ATRN: variants seen among roughly 807,000 people sequenced by gnomAD.
The protein encoded by ATRN is attractin, also known as attractin-2.
ATRN carries 54 observed loss-of-function variants against 178.7 expected under a neutral mutation model. The observed-to-expected ratio is 0.30, with a 90% CI of 0.24 to 0.38. The LOEUF is 0.38. Ranked by LOEUF, ATRN falls within the 10% of genes least tolerant of loss-of-function variation. The pLI is 1.00. For synonymous variants in ATRN, 636 were observed against 663.0 expected, an observed-to-expected ratio of 0.96 and a Z score of 0.63; for missense variants, 1,443 against 1,815.1, an observed-to-expected ratio of 0.79 and a Z score of 3.73.
chr20:3,594,301 C>T (rs1459918418), intron 19 of ATRN, among the ~76,000 whole-genome samples, 178 bp from the exon 20 acceptor site: 1 of 152,200 alleles, frequency 6.6e-6, no homozygotes, highest in Non-Finnish European at 1.5e-5. Context: ...TTTAATGTTA[C>T]CTATACATTA....
At chr20:3,591,699 A>G (rs2086445343) in intron 19 of ATRN, among the ~76,000 whole-genome samples, 2 of 152,228 alleles carry the variant, frequency 1.3e-5, no homozygotes, top group Admixed American at 6.5e-5. Flanking sequence ...TTCCAGCAGT[A>G]TATGGACACT....
intron 12 of ATRN, 78 bp downstream of exon 12, chr20:3,573,029 A>G (rs532591961): frequency 1.2e-5 from 15 of 1,274,090 alleles, no homozygotes; most frequent in Admixed American, 2.1e-5. Context: ...AACTTAGCAT[A>G]TGTATACTTT....
At chr20:3,501,960 A>T (rs1302585811) in intron 1 of ATRN, among the ~76,000 whole-genome samples, 1 of 151,668 alleles carries the variant, frequency 6.6e-6, no homozygotes, top group African/African-American at 2.4e-5. Flanking sequence ...CTCAAAATAG[A>T]TCAGCTCTTA....
intron 13 of ATRN, among the ~76,000 whole-genome samples, 176 bp from the exon 14 acceptor site, chr20:3,576,683 G>A (rs868644075): frequency 5.2e-5 from 5 of 96,020 alleles, no homozygotes; most frequent in Middle Eastern, 4.9e-3. Flanking sequence ...CTATCTATCT[G>A]TCTGTCTGTC....
In ATRN at chr20:3,524,894, C is replaced by T. The variant is rs371993581; in HGVS notation, c.411-10359C>T. Among the ~76,000 whole-genome samples the T allele has an allele frequency of 1.2e-3, 186 of 152,238 alleles. 2 individuals carry two copies. The Middle Eastern group carries it at 0.017, about 14-fold the overall frequency. On this transcript the variant is annotated intron_variant, in intron 1 of 28. Transcript: ENST00000262919. ...ACACGACATACCAGAATCTCTGGGA[C>T]GCAGCCAAAGCAGTGTTTAGAGGGA...
chr20:3,512,659 T>C (rs1278335489), intron 1 of ATRN, among the ~76,000 whole-genome samples: 1 of 152,168 alleles, frequency 6.6e-6, no homozygotes, highest in Non-Finnish European at 1.5e-5. Flanking sequence ...TATTTCTAGT[T>C]CTAGATCCCT....
intron 25 of ATRN, among the ~76,000 whole-genome samples, chr20:3,625,395 A>C (rs1418371842): frequency 6.6e-6 from 1 of 152,142 alleles, no homozygotes; most frequent in Non-Finnish European, 1.5e-5. Context: ...TAAAACTCTT[A>C]TTCACAGCTG....
intron 20 of ATRN, among the ~76,000 whole-genome samples, chr20:3,595,401 T>C (rs2146278300): frequency 6.6e-6 from 1 of 152,328 alleles, no homozygotes; most frequent in East Asian, 1.9e-4. Context: ...TAAATAACAG[T>C]AGTAATAATG....
At chr20:3,540,650 A>G (rs1329827851) in intron 3 of ATRN, among the ~76,000 whole-genome samples, 1 of 152,208 alleles carries the variant, frequency 6.6e-6, no homozygotes, top group Non-Finnish European at 1.5e-5. Flanking sequence ...TTTGAGAGTG[A>G]TATATTGAAT....
chr20:3,534,069 G>C (rs1354181279), intron 1 of ATRN, among the ~76,000 whole-genome samples: 1 of 152,192 alleles, frequency 6.6e-6, no homozygotes, highest in Non-Finnish European at 1.5e-5. Context: ...GGGGAGTAGG[G>C]CATGGATACA....
At chr20:3,564,185 C>T (rs2085996352) in intron 10 of ATRN, among the ~76,000 whole-genome samples, 2 of 152,156 alleles carry the variant, frequency 1.3e-5, no homozygotes, top group African/African-American at 4.8e-5. Flanking sequence ...AACTTAAAGC[C>T]CTTAGCCTCA....
chr20:3,497,753 G>A (rs1475962997), intron 1 of ATRN, among the ~76,000 whole-genome samples: 5 of 152,178 alleles, frequency 3.3e-5, no homozygotes, highest in Non-Finnish European at 5.9e-5. Flanking sequence ...ATCCTGCAGA[G>A]TGTTTTCCAA....
At chr20:3,500,965 ATATT>A (rs1344126926) in intron 1 of ATRN, among the ~76,000 whole-genome samples, 2 of 152,158 alleles carry the variant, frequency 1.3e-5, no homozygotes, top group Non-Finnish European at 2.9e-5. Flanking sequence ...AACTAAATGT[ATATT>A]AAGTTTGAGG....
At chr20:3,508,833 A>T (rs1380544784) in intron 1 of ATRN, among the ~76,000 whole-genome samples, 1 of 152,210 alleles carries the variant, frequency 6.6e-6, no homozygotes, top group Non-Finnish European at 1.5e-5. Context: ...GTATAGGTGG[A>T]TGGAAGAAGT....
At chr20:3,514,521 G>T (rs1263128396) in intron 1 of ATRN, among the ~76,000 whole-genome samples, 1 of 152,156 alleles carries the variant, frequency 6.6e-6, no homozygotes, top group African/African-American at 2.4e-5. Flanking sequence ...GGGTTTATTT[G>T]AGAAATTTAA....
chr20:3,607,402 G>C (rs1415346470), intron 24 of ATRN, among the ~76,000 whole-genome samples: 2 of 152,074 alleles, frequency 1.3e-5, no homozygotes, highest in Non-Finnish European at 2.9e-5. Context: ...CCAGCAGCTG[G>C]TAACCACCAT....
At chr20:3,496,190 C>T (rs2084876197) in intron 1 of ATRN, among the ~76,000 whole-genome samples, 3 of 151,256 alleles carry the variant, frequency 2.0e-5, no homozygotes, top group Admixed American at 1.3e-4. Flanking sequence ...TTGCCTTCTG[C>T]TAGCTTTTGA....
At chr20:3,587,626 G>A (rs2086376210) in intron 18 of ATRN, among the ~76,000 whole-genome samples, 1 of 152,030 alleles carries the variant, frequency 6.6e-6, no homozygotes, top group Non-Finnish European at 1.5e-5. Context: ...TTTGATTACT[G>A]TGGCTTTGTA....
intron 25 of ATRN, chr20:3,628,777 C>G (rs765256420): frequency 3.8e-5 from 22 of 575,334 alleles, no homozygotes; most frequent in Non-Finnish European, 4.6e-5. Flanking sequence ...TATCAACCAA[C>G]TGACTGCTTC....
Sources: gnomAD v4.1 joint callset for allele counts (sites outside exome capture counted in the v4.1 genomes callset) on GRCh38, gnomAD v4.1.1 for gene constraint, MANE v1.5 for transcripts, NCBI Gene and HGNC (gene_info 2026-07-23, HGNC 2026-07-21) for gene names.